The following EHBP1 variants were observed in gnomAD, a reference collection of about 807,000 sequenced individuals.
EHBP1 encodes EH domain-binding protein 1.
Under a neutral mutation model 144.0 loss-of-function variants are expected in EHBP1, and 55 were observed. The observed-to-expected ratio is 0.38, with a 90% confidence interval of 0.31 to 0.48. EHBP1 has a LOEUF of 0.48. Ranked by LOEUF, EHBP1 falls within the 20% of genes least tolerant of loss-of-function variation. The pLI, the probability that EHBP1 is intolerant of heterozygous loss-of-function variation, is 0.98. For synonymous variants in EHBP1, 469 were observed against 472.7 expected (o/e 0.99, Z 0.10); for missense variants, 1,200 against 1,364.2 (o/e 0.88, Z 1.90).
intron 10 of EHBP1, among the ~76,000 whole-genome samples, chr2:62,880,456 A>G (rs1573871487): frequency 6.6e-6 from 1 of 152,340 alleles, no homozygotes; most frequent in East Asian, 1.9e-4. Flanking sequence ...TGCCAGAGTA[A>G]ACAGACAATC....
intron 14 of EHBP1, among the ~76,000 whole-genome samples, chr2:62,958,429 T>C (rs936811074): frequency 4.6e-5 from 7 of 152,130 alleles, no homozygotes; most frequent in Non-Finnish European, 8.8e-5. Flanking sequence ...AAATGAATCT[T>C]GGAGATATTA....
At chr2:62,902,517 G>C (rs776867176) in intron 10 of EHBP1, among the ~76,000 whole-genome samples, 1 of 151,764 alleles carries the variant, frequency 6.6e-6, no homozygotes, top group South Asian at 2.1e-4. Context: ...GATGTTGCTT[G>C]AAAAAAATAT....
At chr2:62,955,738 T>C in intron 14 of EHBP1, 78 bp downstream of exon 14, 1 of 1,481,686 alleles carries the variant, frequency 6.7e-7, no homozygotes, top group Non-Finnish European at 9.1e-7. Flanking sequence ...TGCTTGTATT[T>C]CTGCTATGTT....
chr2:62,755,943 G>A (rs924540369), intron 3 of EHBP1, among the ~76,000 whole-genome samples: 9 of 151,974 alleles, frequency 5.9e-5, no homozygotes, highest in Non-Finnish European at 1.0e-4. Flanking sequence ...AAGAGAAAAT[G>A]AGAAACATAA....
chr2:62,910,464 A>T (rs1283416998), intron 10 of EHBP1, among the ~76,000 whole-genome samples: 1 of 152,138 alleles, frequency 6.6e-6, no homozygotes, highest in Non-Finnish European at 1.5e-5. Flanking sequence ...TTTTAATAAA[A>T]TATTTAACCA....
chr2:62,856,802 CA>C (rs1372163735), intron 7 of EHBP1, among the ~76,000 whole-genome samples: 2 of 152,322 alleles, frequency 1.3e-5, no homozygotes, highest in East Asian at 3.9e-4. Flanking sequence ...AGAGTTGTCA[CA>C]AACCTTCAAT....
chr2:62,810,453 A>G (rs2152529501), intron 5 of EHBP1, among the ~76,000 whole-genome samples: 1 of 152,340 alleles, frequency 6.6e-6, no homozygotes, highest in African/African-American at 2.4e-5. Flanking sequence ...GTTAGAGCCA[A>G]CTTGTTTTGA....
rs181491053 is a variant in EHBP1 at position 63,033,783 on chromosome 2, T to C, written c.3104-3752T>C. Among the ~76,000 whole-genome samples the C allele has an allele frequency of 4.9e-4, 75 of 152,244 alleles. 1 individual carries two copies. In the East Asian group the frequency reaches 0.014, roughly 29 times the overall value. On this transcript the variant is annotated intron_variant, in intron 19 of 22. Coordinates refer to ENST00000431489, the MANE Select transcript of EHBP1 (RefSeq NM_001142616.3). ...TAAATAAAAATAATAACTTTGAAGA[T>C]TTCTTGGAAGATATGTAATGTAAAG...
chr2:63,021,212 C>T (rs1045903625), intron 19 of EHBP1, among the ~76,000 whole-genome samples: 17 of 151,940 alleles, frequency 1.1e-4, no homozygotes, highest in African/African-American at 3.9e-4. Flanking sequence ...CACATACACC[C>T]ACTTATACTC....
intron 10 of EHBP1, among the ~76,000 whole-genome samples, chr2:62,915,160 G>A (rs546014892): frequency 5.9e-5 from 9 of 151,830 alleles, no homozygotes; most frequent in South Asian, 2.1e-4. Context: ...TGGTATTACC[G>A]TAAAAAAGAA....
chr2:62,691,985 A>G lies in EHBP1; in HGVS notation c.-295-14912A>G, dbSNP rs533844045. On this transcript the variant is annotated intron_variant, in intron 1 of 22. Coordinates refer to the EHBP1 transcript ENST00000405015. ...GTTTTTAGTATGTTCAGAGTTGTGCAACCATCATCACTATGTAATTTTAGG... is the reference window on the plus strand; with the variant it reads ...GTTTTTAGTATGTTCAGAGTTGTGCGACCATCATCACTATGTAATTTTAGG... Among the ~76,000 whole-genome samples the G allele has an allele frequency of 2.4e-4, 37 of 152,320 alleles. No individual in the cohort carries two copies. The South Asian group carries it at 6.6e-3, about 27-fold the overall frequency.
chr2:62,986,023 A>G (rs551712921), intron 15 of EHBP1, among the ~76,000 whole-genome samples: 7 of 152,320 alleles, frequency 4.6e-5, no homozygotes, highest in African/African-American at 1.4e-4. Context: ...ATTGAATTCT[A>G]TACTCTCCCT....
chr2:62,865,286 A>C (rs892806130), intron 9 of EHBP1, among the ~76,000 whole-genome samples: 1 of 152,138 alleles, frequency 6.6e-6, no homozygotes, highest in Non-Finnish European at 1.5e-5. Flanking sequence ...TTTTTCCATC[A>C]AACTCTGTAG....
intron 10 of EHBP1, among the ~76,000 whole-genome samples, chr2:62,927,034 T>C (rs1260895201): frequency 2.0e-5 from 3 of 152,206 alleles, no homozygotes; most frequent in Non-Finnish European, 4.4e-5. Context: ...AATCCTGCCA[T>C]TCATGGCAAT....
intron 3 of EHBP1, among the ~76,000 whole-genome samples, chr2:62,762,662 A>G (rs551564701): frequency 6.6e-6 from 1 of 152,322 alleles, no homozygotes; most frequent in East Asian, 1.9e-4. Context: ...GACTCTACCT[A>G]GAAAATATAA....
intron 2 of EHBP1, among the ~76,000 whole-genome samples, chr2:62,742,971 A>G (rs991691407): frequency 6.6e-6 from 1 of 152,160 alleles, no homozygotes; most frequent in African/African-American, 2.4e-5. Flanking sequence ...TCCCACCAGC[A>G]TAAAGTAATA....
intron 10 of EHBP1, among the ~76,000 whole-genome samples, chr2:62,880,545 AACAAGCAAAAAACAACCG>A (rs1226446033): frequency 1.3e-5 from 2 of 152,210 alleles, no homozygotes; most frequent in African/African-American, 4.8e-5. Context: ...AACTTAAATT[AACAAGCAAAAAACAACCG>A]ACCAACCCCA....
At chr2:62,722,106 G>C (rs2151937328) in intron 2 of EHBP1, among the ~76,000 whole-genome samples, 1 of 151,998 alleles carries the variant, frequency 6.6e-6, no homozygotes, top group South Asian at 2.1e-4. Flanking sequence ...ATAAACACTA[G>C]AGTATGTATT....
chr2:62,771,662 T>A (rs891121446), intron 5 of EHBP1: 29 of 158,490 alleles, frequency 1.8e-4, no homozygotes, highest in South Asian at 8.1e-4. Context: ...ATATAAAAAA[T>A]ATATATATAT....
Sources: allele counts gnomAD v4.1 joint callset (sites outside exome capture counted in the v4.1 genomes callset), GRCh38; gene constraint gnomAD v4.1.1; transcripts MANE v1.5; gene names NCBI Gene and HGNC (gene_info 2026-07-23, HGNC 2026-07-21).